The following BBS9 variants were observed in gnomAD, a reference collection of about 807,000 sequenced individuals.
BBS9 encodes the protein protein PTHB1.
In BBS9, 89 loss-of-function variants were observed where a neutral mutation model predicts 117.7. The observed-to-expected ratio is 0.76, with a 90% CI of 0.64 to 0.90. The LOEUF (loss-of-function observed/expected upper bound fraction) is 0.90, where lower values mean the gene tolerates loss of function less well. Among genes scored for constraint, BBS9 ranks in the 40% least tolerant of loss-of-function variants. The pLI is 0.00. For synonymous variants in BBS9, 379 were observed against 370.9 expected (o/e 1.02, Z -0.25); for missense variants, 982 against 1,042.2 (o/e 0.94, Z 0.80).
chr7:33,546,269 A>G (rs1853357231), intron 21 of BBS9, among the ~76,000 whole-genome samples: 1 of 152,060 alleles, frequency 6.6e-6, no homozygotes, highest in Admixed American at 6.5e-5. Flanking sequence ...AGGTTATTTC[A>G]TTATTAAATA....
chr7:33,304,648 G>A (rs879501322), intron 9 of BBS9, among the ~76,000 whole-genome samples: 11 of 152,294 alleles, frequency 7.2e-5, no homozygotes, highest in East Asian at 3.9e-4. Context: ...AAGAGACAGC[G>A]ACCATCGAGA....
At chr7:33,611,579 T>A (rs1864864308) in intron 21 of BBS9, among the ~76,000 whole-genome samples, 1 of 126,764 alleles carries the variant, frequency 7.9e-6, no homozygotes, top group Non-Finnish European at 1.6e-5. Flanking sequence ...ATATATAAGG[T>A]ATATATTATA....
At chr7:33,398,257 T>C (rs1828333408) in intron 19 of BBS9, among the ~76,000 whole-genome samples, 1 of 152,210 alleles carries the variant, frequency 6.6e-6, no homozygotes. Context: ...CTGTTCTTCA[T>C]TGGTATTTCT....
intron 19 of BBS9, among the ~76,000 whole-genome samples, chr7:33,432,941 T>G (rs1251839401): frequency 6.6e-6 from 1 of 152,104 alleles, no homozygotes; most frequent in Non-Finnish European, 1.5e-5. Flanking sequence ...AGTCTATAAT[T>G]CAGACCCTCA....
At chr7:33,301,679 G>T (rs1186211217) in intron 9 of BBS9, among the ~76,000 whole-genome samples, 1 of 151,998 alleles carries the variant, frequency 6.6e-6, no homozygotes, top group African/African-American at 2.4e-5. Flanking sequence ...TTTTTCTGTT[G>T]ATGGACACTT....
At chr7:33,199,148 C>T (rs1448334968) in intron 5 of BBS9, among the ~76,000 whole-genome samples, 2 of 151,904 alleles carry the variant, frequency 1.3e-5, no homozygotes, top group Non-Finnish European at 2.9e-5. Flanking sequence ...GAAATTGGCT[C>T]CATCATTCAT....
chr7:33,518,524 C>T lies in BBS9; in HGVS notation c.2298+12879C>T, dbSNP rs568632548. Among the ~76,000 whole-genome samples, 13 of 152,228 alleles carry T rather than the reference C, an allele frequency of 8.5e-5. No individual in the cohort carries two copies. In the East Asian group the frequency reaches 2.5e-3, roughly 29 times the overall value. On this transcript the variant is annotated intron_variant, in intron 20 of 22. Transcript: ENST00000242067. The stretch of plus-strand genomic sequence containing the variant: ...TCGGCCTCCCAAAGTGCTGGGATTA[C>T]AGGCGTGAGCCACCGCGCCCGGCCT...
At chr7:33,206,885 C>T (rs1016617690) in intron 5 of BBS9, among the ~76,000 whole-genome samples, 2 of 152,076 alleles carry the variant, frequency 1.3e-5, no homozygotes, top group African/African-American at 4.8e-5. Flanking sequence ...CTTTTAGCCT[C>T]TTTTAATTTG....
chr7:33,214,995 A>G (rs1334628794), intron 5 of BBS9, among the ~76,000 whole-genome samples: 2 of 152,208 alleles, frequency 1.3e-5, no homozygotes, highest in Non-Finnish European at 2.9e-5. Context: ...GATCGAGGCC[A>G]TCCTGGCTAA....
At chr7:33,387,874 T>C in intron 18 of BBS9, 118 bp from the exon 19 acceptor site, 1 of 1,146,432 alleles carries the variant, frequency 8.7e-7, no homozygotes. Flanking sequence ...CCCTTAACTC[T>C]ATAATGCATT....
rs567793809 is a variant in BBS9 at position 33,540,229 on chromosome 7, G to A, written c.2521+6053G>A. On this transcript the variant is annotated intron_variant, in intron 21 of 22. Transcript: ENST00000242067. Reference sequence around the variant, plus strand: ...AGTGTTGGAAACTGGCCAACCATTTGGAGAGAAGAAATAGATTCCCTACCT... The same window carrying A: ...AGTGTTGGAAACTGGCCAACCATTTAGAGAGAAGAAATAGATTCCCTACCT... Among the ~76,000 whole-genome samples, 3 of 152,222 alleles carry A rather than the reference G, an allele frequency of 2.0e-5. No homozygotes were observed. The South Asian group carries it at 6.2e-4, about 32-fold the overall frequency.
At chr7:33,298,147 A>AT (rs1161614916) in intron 9 of BBS9, among the ~76,000 whole-genome samples, 2 of 151,274 alleles carry the variant, frequency 1.3e-5, no homozygotes, top group Non-Finnish European at 3.0e-5. Context: ...TTTCATTTTA[A>AT]TTTTTTTTTA....
intron 1 of BBS9, among the ~76,000 whole-genome samples, chr7:33,132,586 A>G (rs1789797318): frequency 1.3e-5 from 2 of 152,228 alleles, no homozygotes; most frequent in African/African-American, 4.8e-5. Flanking sequence ...TTAAAAAAAC[A>G]TTGTATACAT....
chr7:33,582,596 C>G (rs947326292), intron 21 of BBS9, among the ~76,000 whole-genome samples: 8 of 151,982 alleles, frequency 5.3e-5, no homozygotes, highest in Non-Finnish European at 4.4e-5. Flanking sequence ...ACATAGTTAA[C>G]ATTTCTGGAC....
At chr7:33,573,973 C>T (rs918812577) in intron 21 of BBS9, among the ~76,000 whole-genome samples, 3 of 152,074 alleles carry the variant, frequency 2.0e-5, no homozygotes, top group Non-Finnish European at 4.4e-5. Flanking sequence ...TCAGGTGGTT[C>T]ACTGGTAGAA....
chr7:33,545,924 CTTTTTTT>C (rs10537037), intron 21 of BBS9, among the ~76,000 whole-genome samples: 377 of 64,548 alleles, frequency 5.8e-3, no homozygotes, highest in Non-Finnish European at 8.3e-3. Flanking sequence ...CTTTATAATC[CTTTTTTT>C]TTTTTTTTTT....
chr7:33,465,707 G>T (rs567685700), intron 19 of BBS9, among the ~76,000 whole-genome samples: 55 of 152,182 alleles, frequency 3.6e-4, no homozygotes, highest in African/African-American at 1.3e-3. Context: ...GCCTCATTTT[G>T]TAAGGTTATT....
chr7:33,414,051 C>T (rs539989589), intron 19 of BBS9, among the ~76,000 whole-genome samples: 8 of 151,758 alleles, frequency 5.3e-5, no homozygotes, highest in South Asian at 2.1e-4. Context: ...AAACAAAAAA[C>T]GAAAACAAAC....
In BBS9 at chr7:33,410,580, C is replaced by A. The variant is rs113611929; in HGVS notation, c.2115+22436C>A. Reference sequence around the variant, plus strand: ...TATGTCTCCCTCATTGTCTCACCAACCCTTCTAGAAACTTGTCTACATCTA... The same window carrying A: ...TATGTCTCCCTCATTGTCTCACCAAACCTTCTAGAAACTTGTCTACATCTA... On this transcript the variant is annotated intron_variant, in intron 19 of 22. Transcript: ENST00000242067. Among the ~76,000 whole-genome samples, 1,294 of 152,258 alleles carry A rather than the reference C, an allele frequency of 8.5e-3. 19 individuals are homozygous for A. Among genetic ancestry groups the A allele is most frequent in the Non-Finnish European group, 0.014 (944 of 68,006 alleles).
Sources: allele counts gnomAD v4.1 joint callset (sites outside exome capture counted in the v4.1 genomes callset), GRCh38; gene constraint gnomAD v4.1.1; transcripts MANE v1.5; gene names NCBI Gene and HGNC (gene_info 2026-07-23, HGNC 2026-07-21).